Variants in SEC22B observed in about 807,000 individuals in gnomAD.
SEC22B encodes vesicle-trafficking protein SEC22b.
In SEC22B, 10 loss-of-function variants were observed where a neutral mutation model predicts 31.4. The observed-to-expected ratio is 0.32, with a 90% confidence interval of 0.20 to 0.54. The LOEUF (loss-of-function observed/expected upper bound fraction) is 0.54, where lower values mean the gene tolerates loss of function less well. Among genes scored for constraint, SEC22B ranks in the 20% least tolerant of loss-of-function variants. The probability of loss-of-function intolerance (pLI) is 0.94; values close to 1 mark genes in which losing one functional copy is unlikely to be tolerated. For missense variants in SEC22B, 130 were observed against 263.4 expected, an observed-to-expected ratio of 0.49 and a Z score of 3.50; for synonymous variants, 60 against 95.9, an observed-to-expected ratio of 0.63 and a Z score of 2.19.
chr1:120,160,485 G>C lies in SEC22B; in HGVS notation c.392C>G (p.Ala131Gly), dbSNP rs1352345755. The C allele has an allele frequency of 4.3e-4, 690 of 1,607,460 alleles. No homozygotes were observed. The highest frequency in any genetic ancestry group is 1.0e-3 in the South Asian group (91 of 89,840). The change falls in exon 4 of 5, where the codon GCT becomes GGT. Residue 131 changes from alanine (A) to glycine (G), a missense_variant. By Grantham distance (60) the Ala-to-Gly change is moderately conservative. Coordinates refer to ENST00000578049, the MANE Select transcript of SEC22B (RefSeq NM_004892.6). ...KTKKLYIDSR[A>G]RRNLGSINTE... The stretch of plus-strand genomic sequence containing the variant: ...GTTGATGGAGCCTAGATTTCTTCGA[G>C]CACGACTGTCAATGTAGAGCTTCTT...
intron 3 of SEC22B, among the ~76,000 whole-genome samples, chr1:120,161,778 G>T (rs1253193854): frequency 6.6e-6 from 1 of 151,922 alleles, no homozygotes; most frequent in Non-Finnish European, 1.5e-5. Context: ...ACTATAGGAA[G>T]AATGACTTAT....
intron 2 of SEC22B, among the ~76,000 whole-genome samples, chr1:120,166,490 T>C (rs1657813334): frequency 6.8e-6 from 1 of 147,638 alleles, no homozygotes; most frequent in Non-Finnish European, 1.5e-5. Context: ...GCAACATGGA[T>C]AAATCTGGAG....
In SEC22B at chr1:120,176,331, G is replaced by T; in HGVS notation, c.51C>A (p.Ala17=). ...CCTGTTCGTCCTCCTGCATCGAGGC[G>T]GCCAGCGGGAGCCCGTCCGCCACTC... is the stretch of plus-strand genomic sequence containing the variant. ...IARVADGLPL[A]ASMQEDEQSG... is the part of the protein sequence containing the mutation. The change falls in exon 1 of 5, where the codon GCC becomes GCA. Residue 17 remains alanine, a synonymous_variant. Coordinates refer to ENST00000578049, the MANE Select transcript of SEC22B (RefSeq NM_004892.6). 2 of 1,612,334 alleles carry T rather than the reference G, an allele frequency of 1.2e-6. No homozygotes were observed. Among genetic ancestry groups the T allele is most frequent in the Non-Finnish European group, 1.7e-6 (2 of 1,179,718 alleles).
chr1:120,176,283 G>C, intron 1 of SEC22B, 24 bp downstream of exon 1: 2 of 1,602,760 alleles, frequency 1.2e-6, no homozygotes, highest in Non-Finnish European at 1.7e-6. Context: ...ACTTGGGGTC[G>C]CGGGTCGTGA....
At chr1:120,164,662 A>G (rs1297362853) in intron 2 of SEC22B, among the ~76,000 whole-genome samples, 3 of 152,158 alleles carry the variant, frequency 2.0e-5, no homozygotes, top group Non-Finnish European at 4.4e-5. Context: ...TCTTTATCCA[A>G]TCCACCACTA....
intron 1 of SEC22B, among the ~76,000 whole-genome samples, chr1:120,175,834 A>C (rs1472967921): frequency 0.48 from 72,524 of 151,972 alleles, 20,607 homozygotes; most frequent in African/African-American, 0.8. Flanking sequence ...ATGTACTGAA[A>C]TTTAACAGGT....
At chr1:120,163,968 T>TG in intron 2 of SEC22B, among the ~76,000 whole-genome samples, 1 of 142,148 alleles carries the variant, frequency 7.0e-6, no homozygotes, top group South Asian at 2.3e-4. Context: ...TTTTTTTTTT[T>TG]TGGAGACAGG....
At chr1:120,157,286 A>G in intron 4 of SEC22B, 94 bp from the exon 5 acceptor site, 2 of 865,836 alleles carry the variant, frequency 2.3e-6, no homozygotes, top group Non-Finnish European at 3.2e-6. Context: ...CACTGCAACA[A>G]CCATGAATCT....
chr1:120,176,282 C>T (rs1657961947), intron 1 of SEC22B, 25 bp downstream of exon 1: 1 of 1,602,520 alleles, frequency 6.2e-7, no homozygotes, highest in Admixed American at 1.7e-5. Context: ...GACTTGGGGT[C>T]GCGGGTCGTG....
chr1:120,170,572 G>C (rs1657879638), intron 1 of SEC22B, among the ~76,000 whole-genome samples: 3 of 151,774 alleles, frequency 2.0e-5, no homozygotes, highest in Non-Finnish European at 4.4e-5. Flanking sequence ...TCCAGTTGAG[G>C]TATTAGTTTG....
intron 2 of SEC22B, among the ~76,000 whole-genome samples, chr1:120,164,641 ATAC>A (rs1263686609): frequency 6.6e-6 from 1 of 152,266 alleles, no homozygotes; most frequent in South Asian, 2.1e-4. Flanking sequence ...TACTGTATAT[ATAC>A]TACATTTTCT....
At chr1:120,160,606 T>C (rs1311579367) in intron 3 of SEC22B, 76 bp from the exon 4 acceptor site, 6 of 1,386,966 alleles carry the variant, frequency 4.3e-6, no homozygotes, top group Non-Finnish European at 5.8e-6. Flanking sequence ...AAGTTCTGAG[T>C]TGGCCAGGCG....
rs1361200444 is a variant in SEC22B at position 120,152,003 on chromosome 1, G to A, written c.*5035C>T. On this transcript the variant is annotated 3_prime_UTR_variant, in exon 5 of 5. Coordinates refer to ENST00000578049, the MANE Select transcript of SEC22B (RefSeq NM_004892.6). ...GTTTGGTTTTATCTTTGAGAACAATGGAGTGGAGGTATGCTTTAGATGCAA... is the reference window on the plus strand; with the variant it reads ...GTTTGGTTTTATCTTTGAGAACAATAGAGTGGAGGTATGCTTTAGATGCAA... 2.0e-5 allele frequency: 3 copies of A among 152,132 alleles called. No homozygotes were observed. Among genetic ancestry groups the A allele is most frequent in the Admixed American group, 6.5e-5 (1 of 15,276 alleles). The allele number at this position is 152,132 out of a possible 1,614,324, so 9.4% of individuals were successfully genotyped here.
rs1657747649 is a variant in SEC22B at position 120,163,234 on chromosome 1, G to A, written c.322C>T (p.Arg108Ter). ...CCAAATTCAATAAAGGAATAGGGTC[G>A]GGACACAGTGGGCACCTTCTTTCCA... ...QHGKKVPTVS[R>*]PYSFIEFDTF... Residue 108 changes from arginine (R) to a stop codon, truncating the protein, a stop_gained, in exon 3 of 5, where the codon CGA becomes TGA. Transcript: ENST00000578049. LOFTEE classifies it high-confidence loss of function. The A allele has an allele frequency of 4.4e-6, 7 of 1,580,456 alleles. No individual in the cohort carries two copies. The highest frequency in any genetic ancestry group is 2.3e-5 in the South Asian group (2 of 87,324).
rs1392628166 is a variant in SEC22B, at chr1:120,156,588, A to C, written c.*450T>G. The C allele has an allele frequency of 1.4e-5, 2 of 143,822 alleles. No homozygotes were observed. Among genetic ancestry groups the C allele is most frequent in the Admixed American group, 1.4e-4 (2 of 14,340 alleles). 8.9% of individuals were successfully genotyped at this position (143,822 alleles called of 1,614,324 possible). On this transcript the variant is annotated 3_prime_UTR_variant, in exon 5 of 5. Transcript: ENST00000578049. ...AATCACAAATGTCACCAACAAAAGGAATGTTGATTAGAGTCAAAAAAAAAA... is the reference window on the plus strand; with the variant it reads ...AATCACAAATGTCACCAACAAAAGGCATGTTGATTAGAGTCAAAAAAAAAA...
rs1278016350 is a variant in SEC22B, at chr1:120,170,567, T to C, written c.76-1618A>G. Among the ~76,000 whole-genome samples the C allele has an allele frequency of 1.4e-4, 21 of 152,042 alleles. No homozygotes were observed. In the East Asian group the frequency reaches 1.7e-3, roughly 13 times the overall value. ...ACCAGGGGAGATAGGCAGAGTCCAG[T>C]TGAGGTATTAGTTTGTAGATTTATC... On this transcript the variant is annotated intron_variant, in intron 1 of 4. Transcript: ENST00000578049.
rs1557896030 is a variant in SEC22B, at chr1:120,176,350, G to A, written c.32C>T (p.Ala11Val). The change falls in exon 1 of 5, where the codon GCG becomes GTG. Residue 11 changes from alanine to valine, a missense_variant. By Grantham distance (64) the Ala-to-Val change is moderately conservative. This residue lies in a region of SEC22B where 32 missense variants were observed against 26.3 expected (regional missense o/e 1.22). Transcript: ENST00000578049. Reference protein sequence around the residue: MVLLTMIARVADGLPLAASMQ... With the variant: MVLLTMIARVVDGLPLAASMQ... The stretch of plus-strand genomic sequence containing the variant: ...CGAGGCGGCCAGCGGGAGCCCGTCC[G>A]CCACTCGGGCGATCATTGTTAGCAA... 1 of 1,613,474 alleles carries A rather than the reference G, an allele frequency of 6.2e-7. No homozygotes were observed. The highest frequency in any genetic ancestry group is 8.5e-7 in the Non-Finnish European group (1 of 1,179,826).
chr1:120,168,063 T>G (rs1657840924), intron 2 of SEC22B, among the ~76,000 whole-genome samples: 1 of 152,008 alleles, frequency 6.6e-6, no homozygotes, highest in Admixed American at 6.6e-5. Context: ...TTGTTTTGTT[T>G]TTTAAAAGTA....
At chr1:120,173,230 T>G (rs1242535722) in intron 1 of SEC22B, among the ~76,000 whole-genome samples, 7 of 60,410 alleles carry the variant, frequency 1.2e-4, no homozygotes, top group Non-Finnish European at 2.1e-4. Context: ...GCTGCCTATT[T>G]GGTGAGATCT....
Sources: allele counts gnomAD v4.1 joint callset (sites outside exome capture counted in the v4.1 genomes callset), GRCh38; gene constraint gnomAD v4.1.1; regional missense constraint gnomAD v4.1.1; transcripts MANE v1.5; gene names NCBI Gene and HGNC (gene_info 2026-07-23, HGNC 2026-07-21).